Variants in ABLIM2 observed in about 807,000 individuals in gnomAD.
ABLIM2 encodes the protein actin binding LIM protein family member 2, also known as actin-binding LIM protein 2.
A neutral mutation model predicts 97.7 loss-of-function variants in ABLIM2; 53 were observed. The ratio of observed to expected loss-of-function variants is 0.54; its 90% CI spans 0.44 to 0.68. The LOEUF (loss-of-function observed/expected upper bound fraction) is 0.68, where lower values mean the gene tolerates loss of function less well. Among genes scored for constraint, ABLIM2 ranks in the 30% least tolerant of loss-of-function variants. ABLIM2 has a pLI of 0.00. For missense variants in ABLIM2, 835 were observed against 867.2 expected (o/e 0.96, Z 0.47); for synonymous variants, 361 against 345.8 (o/e 1.04, Z -0.49).
chr4:7,991,507 T>C (rs1388292453), intron 17 of ABLIM2, among the ~76,000 whole-genome samples: 4 of 147,386 alleles, frequency 2.7e-5, no homozygotes, highest in African/African-American at 1.0e-4. Context: ...CCAGGACCCC[T>C]AACATTGAGC....
chr4:8,032,551 G>C lies in ABLIM2; in HGVS notation c.1048-2775C>G. The C allele has an allele frequency of 1.3e-6, 2 of 1,508,100 alleles. No individual in the cohort carries two copies. Among genetic ancestry groups the C allele is most frequent in the South Asian group, 2.3e-5 (2 of 87,428 alleles). 93.4% of individuals were successfully genotyped at this position (1,508,100 alleles called of 1,614,324 possible). A position where few individuals can be genotyped will look rare whatever the true frequency, so the allele number is the denominator to read the frequency against. On this transcript the variant is annotated intron_variant, in intron 10 of 20. Transcript: ENST00000447017. The surrounding 1 kb of genome is among the most constrained non-coding windows in gnomAD (Gnocchi z 4.3). Reference sequence around the variant, plus strand: ...CCGGGCCCCATGGTGAAGAGCCACCGAGGAGGCCCTTCCCGGGAGTGCGGC... The same window carrying C: ...CCGGGCCCCATGGTGAAGAGCCACCCAGGAGGCCCTTCCCGGGAGTGCGGC...
intron 1 of ABLIM2, among the ~76,000 whole-genome samples, chr4:8,157,477 T>C (rs1348020592): frequency 6.6e-5 from 10 of 152,188 alleles, no homozygotes; most frequent in African/African-American, 2.4e-4. Flanking sequence ...CCGCCTGCCA[T>C]TGCTCTCAGC....
At chr4:8,131,646 G>A (rs115134480) in intron 1 of ABLIM2, among the ~76,000 whole-genome samples, 2,126 of 145,982 alleles carry the variant, frequency 0.015, 60 homozygotes, top group African/African-American at 0.053. Flanking sequence ...ACAGCAGCCC[G>A]CATCCCCAGC....
At chr4:8,119,680 T>A (rs966675201) in intron 1 of ABLIM2, among the ~76,000 whole-genome samples, 2 of 152,206 alleles carry the variant, frequency 1.3e-5, no homozygotes, top group African/African-American at 4.8e-5. Flanking sequence ...TGATTCCATT[T>A]TCTTGATACT....
chr4:8,139,513 A>G (rs191968747), intron 1 of ABLIM2, among the ~76,000 whole-genome samples: 27 of 152,358 alleles, frequency 1.8e-4, no homozygotes, highest in African/African-American at 5.8e-4. Context: ...CTCAACGTCA[A>G]TGATCATTAG....
intron 9 of ABLIM2, among the ~76,000 whole-genome samples, chr4:8,038,229 G>C (rs185435781): frequency 6.6e-6 from 1 of 152,330 alleles, no homozygotes; most frequent in East Asian, 1.9e-4. Context: ...AGAGCCCAGA[G>C]AGGTTGGGTA....
At chr4:8,008,955 G>A in intron 15 of ABLIM2, 95 bp downstream of exon 15, 1 of 1,441,564 alleles carries the variant, frequency 6.9e-7, no homozygotes, top group Non-Finnish European at 9.7e-7. Flanking sequence ...CAGAATGTAA[G>A]AGGAAGATTC....
Position 7,965,344 on chromosome 4 carries a change from T to C in ABLIM2, c.*1646A>G, listed in dbSNP as rs1043720994. 28 of 152,796 alleles carry C rather than the reference T, an allele frequency of 1.8e-4. No homozygotes were observed. Among genetic ancestry groups the C allele is most frequent in the African/African-American group, 6.3e-4 (26 of 41,576 alleles). The allele number at this position is 152,796 out of a possible 1,614,324, so 9.5% of individuals were successfully genotyped here. ...TCCGCAAGTTATAATGCATCGTCTT[T>C]TATTTTCCAGGCTTCCTGGGATCAG... On this transcript the variant is annotated 3_prime_UTR_variant, in exon 21 of 21. Coordinates refer to ENST00000447017, the MANE Select transcript of ABLIM2 (RefSeq NM_001130083.2).
rs996946826 is a variant in ABLIM2 at position 8,150,655 on chromosome 4, A to G, written c.10+8025T>C. The stretch of plus-strand genomic sequence containing the variant: ...CTGCTGCCTGGGATGGGGGCTGCTC[A>G]GTAGAATGCAGCTAAAATGAAGCTT... On this transcript the variant is annotated intron_variant, in intron 1 of 20. Coordinates refer to ENST00000447017, the MANE Select transcript of ABLIM2 (RefSeq NM_001130083.2). The surrounding 1 kb of genome is among the most constrained non-coding windows in gnomAD (Gnocchi z 6.3). Among the ~76,000 whole-genome samples the G allele has an allele frequency of 2.0e-5, 3 of 152,208 alleles. No homozygotes were observed. The highest frequency in any genetic ancestry group is 4.8e-5 in the African/African-American group (2 of 41,450).
At chr4:8,154,217 C>T (rs752038028) in intron 1 of ABLIM2, among the ~76,000 whole-genome samples, 14 of 150,946 alleles carry the variant, frequency 9.3e-5, no homozygotes, top group Non-Finnish European at 1.3e-4. Flanking sequence ...CCGCCTCGGC[C>T]TCCCAAAGTG....
At chr4:8,119,539 G>A (rs1844345175) in intron 1 of ABLIM2, among the ~76,000 whole-genome samples, 1 of 152,080 alleles carries the variant, frequency 6.6e-6, no homozygotes, top group South Asian at 2.1e-4. Flanking sequence ...TGTTGGTCAG[G>A]CTGGTCTTGA....
chr4:8,094,886 C>T (rs1002429592), intron 3 of ABLIM2, among the ~76,000 whole-genome samples: 1 of 152,098 alleles, frequency 6.6e-6, no homozygotes, highest in Non-Finnish European at 1.5e-5. Context: ...CAACCTAATA[C>T]AACTAGTAAT....
chr4:8,106,542 G>C lies in ABLIM2; in HGVS notation c.106C>G (p.Leu36Val). The part of the protein sequence containing the change: ...TCGNVCKGEV[L>V]RVQDKYFHIK... Reference sequence around the variant, plus strand: ...TGGAAGTACTTGTCCTGCACCCGCAGCACCTCGCCCTTGCACACATTCCCA... The same window carrying C: ...TGGAAGTACTTGTCCTGCACCCGCACCACCTCGCCCTTGCACACATTCCCA... The change falls in exon 2 of 21, where the codon CTG becomes GTG. Residue 36 changes from leucine to valine, a missense_variant. Transcript: ENST00000447017. 1 of 1,605,134 alleles carries C rather than the reference G, an allele frequency of 6.2e-7. No homozygotes were observed. The highest frequency in any genetic ancestry group is 1.3e-5 in the African/African-American group (1 of 74,900).
At chr4:8,100,066 G>A (rs564738791) in intron 2 of ABLIM2, among the ~76,000 whole-genome samples, 71 of 152,282 alleles carry the variant, frequency 4.7e-4, no homozygotes, top group African/African-American at 1.5e-3. Flanking sequence ...GTTCATTTAC[G>A]AGAAACAGGC....
At position 8,060,259 on chromosome 4, in the gene ABLIM2, G is replaced by A. The variant is rs75754299; in HGVS notation, c.763+708C>T. Among the ~76,000 whole-genome samples the A allele has an allele frequency of 2.7e-3, 407 of 152,280 alleles. 17 individuals are homozygous for A. In the East Asian group the frequency reaches 0.057, roughly 21 times the overall value. ...AAATGAGAAGCTATGAGCTAAAAAGGGTTAATCTGGGAGGAGGAGAGACGA... is the reference window on the plus strand; with the variant it reads ...AAATGAGAAGCTATGAGCTAAAAAGAGTTAATCTGGGAGGAGGAGAGACGA... On this transcript the variant is annotated intron_variant, in intron 7 of 20. Transcript: ENST00000447017.
rs369438147 is a variant in ABLIM2 at position 8,039,325 on chromosome 4, C to T, written c.901-3030G>A. Among the ~76,000 whole-genome samples the T allele has an allele frequency of 7.2e-5, 11 of 152,306 alleles. No individual in the cohort carries two copies. The South Asian group carries it at 1.5e-3, about 20-fold the overall frequency. On this transcript the variant is annotated intron_variant, in intron 9 of 20. Coordinates refer to ENST00000447017, the MANE Select transcript of ABLIM2 (RefSeq NM_001130083.2). ...TGTCCAGCCCCACAGCATAGGGGGC[C>T]GCCTTGCCCTGGGTTAGCTCCCAGC...
rs992018214 is a variant in ABLIM2, at chr4:8,147,227, C to T, written c.10+11453G>A. ...CACAGTCTGTGACAGGATCTAACTC[C>T]CGGGACGTTTAAATTTAGCGAGTAA... On this transcript the variant is annotated intron_variant, in intron 1 of 20. Transcript: ENST00000447017. This position sits in a 1 kb window ranked among gnomAD's most constrained non-coding sequence, Gnocchi z 5.3. Among the ~76,000 whole-genome samples the T allele has an allele frequency of 8.5e-5, 13 of 152,160 alleles. No individual in the cohort carries two copies. The highest frequency in any genetic ancestry group is 2.1e-4 in the South Asian group (1 of 4,826).
chr4:8,077,392 A>G (rs1577267062), intron 6 of ABLIM2, among the ~76,000 whole-genome samples: 1 of 152,194 alleles, frequency 6.6e-6, no homozygotes. Context: ...CATGCTCTGA[A>G]TTTGTCAAGA....
At chr4:8,111,018 G>T (rs1230276143) in intron 1 of ABLIM2, among the ~76,000 whole-genome samples, 2 of 152,254 alleles carry the variant, frequency 1.3e-5, no homozygotes, top group Non-Finnish European at 2.9e-5. Context: ...AAAAGCAGGG[G>T]CCAAGTGGCA....
Sources: gnomAD v4.1 joint callset for allele counts (sites outside exome capture counted in the v4.1 genomes callset) on GRCh38, gnomAD v4.1.1 for gene constraint, Gnocchi (gnomAD v3.1) non-coding constraint, MANE v1.5 for transcripts, NCBI Gene and HGNC (gene_info 2026-07-23, HGNC 2026-07-21) for gene names.